The following ENOSF1 variants were observed in gnomAD, a reference collection of about 807,000 sequenced individuals.
The protein encoded by ENOSF1 is enolase superfamily member 1, also known as mitochondrial enolase superfamily member 1.
A neutral mutation model predicts 68.2 loss-of-function variants in ENOSF1; 73 were observed. That is an observed-to-expected ratio of 1.07 (90% confidence interval 0.89 to 1.30). The LOEUF (loss-of-function observed/expected upper bound fraction) is 1.30, where lower values mean the gene tolerates loss of function less well. Among genes scored for constraint, ENOSF1 ranks in the 50% most tolerant of loss-of-function variants. ENOSF1 has a pLI of 0.00. For synonymous variants in ENOSF1, 223 were observed against 210.4 expected (o/e 1.06, Z -0.52); for missense variants, 589 against 554.5 (o/e 1.06, Z -0.62).
chr18:708,377 GACC>G (rs1236239832), intron 1 of ENOSF1, among the ~76,000 whole-genome samples: 3 of 151,934 alleles, frequency 2.0e-5, no homozygotes, highest in Non-Finnish European at 4.4e-5. Flanking sequence ...CATTTGAGAA[GACC>G]TGCTTATAGA....
chr18:709,768 T>TAAA (rs557376583), intron 1 of ENOSF1, among the ~76,000 whole-genome samples: 2 of 143,860 alleles, frequency 1.4e-5, no homozygotes, highest in African/African-American at 5.1e-5. Flanking sequence ...AGACTCTGTC[T>TAAA]AAAAAAAAAA....
intron 7 of ENOSF1, 178 bp from the exon 8 acceptor site, chr18:690,809 A>G: frequency 6.8e-7 from 1 of 1,467,316 alleles, no homozygotes; most frequent in South Asian, 1.4e-5. Context: ...GGATACTCTC[A>G]CGGACTGCCC....
intron 5 of ENOSF1, chr18:692,872 C>G: frequency 9.1e-7 from 1 of 1,099,616 alleles, no homozygotes; most frequent in Non-Finnish European, 1.1e-6. Context: ...CCTGTCTTCA[C>G]TTTCCTCCGG....
chr18:706,815 A>ATATATATTT (rs760562263), intron 1 of ENOSF1: 33 of 131,022 alleles, frequency 2.5e-4, no homozygotes, highest in East Asian at 1.1e-3. Flanking sequence ...ATATATATAT[A>ATATATATTT]TTTTTTTTTT....
intron 14 of ENOSF1, among the ~76,000 whole-genome samples, chr18:676,728 A>G (rs1420024390): frequency 6.6e-6 from 1 of 152,244 alleles, no homozygotes; most frequent in East Asian, 1.9e-4. Context: ...CCTGAAGAGA[A>G]AAACGGTTAC....
chr18:692,909 T>C (rs2077347719), intron 5 of ENOSF1: 1 of 1,155,986 alleles, frequency 8.7e-7, no homozygotes, highest in African/African-American at 1.6e-5. Flanking sequence ...TGCCCAACAC[T>C]CTTCAAGGCC....
chr18:682,465 G>A (rs1020054208), intron 11 of ENOSF1, among the ~76,000 whole-genome samples: 1 of 152,102 alleles, frequency 6.6e-6, no homozygotes, highest in African/African-American at 2.4e-5. Context: ...AAGCTTATGG[G>A]ATTATATATA....
downstream of ENOSF1, among the ~76,000 whole-genome samples, chr18:667,992 A>ATTTTTTTTTTTTTTTTTTTTT (rs60409589): frequency 6.6e-5 from 7 of 105,364 alleles, no homozygotes; most frequent in African/African-American, 2.3e-4. Context: ...ATTCACAGGA[A>ATTTTTTTTTTTTTTTTTTTTT]TTTTTTTTTT....
intron 5 of ENOSF1, 76 bp from the exon 6 acceptor site, chr18:691,352 A>T (rs904129416): frequency 7.9e-7 from 1 of 1,268,970 alleles, no homozygotes; most frequent in Admixed American, 2.2e-5. Context: ...AAAATTTATT[A>T]TTCTTTTTTT....
chr18:688,238 A>T (rs1438417844), intron 9 of ENOSF1: 2 of 252,060 alleles, frequency 7.9e-6, no homozygotes, highest in Non-Finnish European at 1.5e-5. Context: ...TGCCTCACCA[A>T]GTTAAGCTCG....
chr18:689,727 C>A (rs1176143536), intron 8 of ENOSF1, among the ~76,000 whole-genome samples: 1 of 152,144 alleles, frequency 6.6e-6, no homozygotes, highest in Non-Finnish European at 1.5e-5. Context: ...AACACACAGC[C>A]CCTAAAACCC....
In ENOSF1 at chr18:677,811, A is replaced by G. The variant is rs754289185; in HGVS notation, c.980T>C (p.Ile327Thr). ...LQAKALQFLQ[I>T]DSCRLGSVNE... ...GACACTGCCCAGTCTGCAACTGTCA[A>G]TCTGGAGGAACTGCAGGGCCTTCGC... The change falls in exon 13 of 16, where the codon ATT (isoleucine) becomes ACT (threonine). Residue 327 changes from isoleucine (I) to threonine (T), a missense_variant. Ile to Thr is a moderately conservative substitution (Grantham distance 89, BLOSUM62 -1). Coordinates refer to ENST00000647584, the MANE Select transcript of ENOSF1 (RefSeq NM_017512.7). 1.8e-5 allele frequency: 29 copies of G among 1,614,062 alleles called. No individual in the cohort carries two copies. Among genetic ancestry groups the G allele is most frequent in the South Asian group, 7.7e-5 (7 of 91,082 alleles).
chr18:708,541 A>C (rs1050056251), intron 1 of ENOSF1, among the ~76,000 whole-genome samples: 8 of 152,152 alleles, frequency 5.3e-5, no homozygotes, highest in African/African-American at 1.9e-4. Flanking sequence ...TTAAAAAAAA[A>C]CCTTAATAAT....
At chr18:698,067 T>A (rs941975696) in intron 2 of ENOSF1, among the ~76,000 whole-genome samples, 14 of 152,250 alleles carry the variant, frequency 9.2e-5, no homozygotes, top group African/African-American at 3.4e-4. Flanking sequence ...GTTCTGGGAT[T>A]ACAGGCATAA....
At position 697,425 on chromosome 18, in the gene ENOSF1, C is replaced by A. The variant is rs1015064026; in HGVS notation, c.194-70G>T. 15 of 1,126,590 alleles carry A rather than the reference C, an allele frequency of 1.3e-5. 1 individual carries two copies. The highest frequency in any genetic ancestry group is 1.1e-4 in the African/African-American group (7 of 63,934). 69.8% of individuals were successfully genotyped at this position (1,126,590 alleles called of 1,614,324 possible). On this transcript the variant is annotated intron_variant, in intron 2 of 15. Transcript: ENST00000647584. ...TCAAGAAATTAGCACCTGAAAACAT[C>A]ACAAACAAACAAATGTGAAAGTTTT...
chr18:675,596 T>C, intron 14 of ENOSF1, 194 bp from the exon 15 acceptor site: 1 of 582,384 alleles, frequency 1.7e-6, no homozygotes, highest in Middle Eastern at 4.6e-4. Context: ...TATAGCAATG[T>C]GAGGTGGGGA....
chr18:682,058 T>C (rs1418271289), intron 11 of ENOSF1, among the ~76,000 whole-genome samples: 2 of 152,034 alleles, frequency 1.3e-5, no homozygotes, highest in African/African-American at 4.8e-5. Context: ...CAACACAAAA[T>C]GGGGAGTGTA....
At chr18:693,097 C>T in intron 5 of ENOSF1, 1 of 1,288,812 alleles carries the variant, frequency 7.8e-7, no homozygotes, top group Non-Finnish European at 1.0e-6. Flanking sequence ...GGACTCACAG[C>T]CAGCTCTGCA....
rs2075112712 is a variant in ENOSF1 at position 672,611 on chromosome 18, C to T, written c.*1694G>A. The T allele has an allele frequency of 3.1e-6, 1 of 327,336 alleles. No homozygotes were observed. The highest frequency in any genetic ancestry group is 5.6e-6 in the Non-Finnish European group (1 of 177,630). 20.3% of individuals were successfully genotyped at this position (327,336 alleles called of 1,614,324 possible). A position where few individuals can be genotyped will look rare whatever the true frequency, so the allele number is the denominator to read the frequency against. ...CCAAGAGTGGTTATAAGAACTTACA[C>T]CTGATGAGGCACCAGGCTCCTGATG... On this transcript the variant is annotated 3_prime_UTR_variant, in exon 16 of 16. Coordinates refer to ENST00000647584, the MANE Select transcript of ENOSF1 (RefSeq NM_017512.7).
Sources: gnomAD v4.1 joint callset for allele counts (sites outside exome capture counted in the v4.1 genomes callset) on GRCh38, gnomAD v4.1.1 for gene constraint, MANE v1.5 for transcripts, NCBI Gene and HGNC (gene_info 2026-07-23, HGNC 2026-07-21) for gene names.